Variants in MROH9 observed in about 807,000 individuals in gnomAD.
The protein encoded by MROH9 is maestro heat like repeat family member 9.
A neutral mutation model predicts 98.2 loss-of-function variants in MROH9; 92 were observed. That is an observed-to-expected ratio of 0.94 (90% CI 0.79 to 1.11). The LOEUF (loss-of-function observed/expected upper bound fraction) is 1.11. Among genes scored for constraint, MROH9 ranks in the 50% most tolerant of loss-of-function variants. The pLI is 0.00. For synonymous variants in MROH9, 397 were observed against 368.9 expected (o/e 1.08, Z -0.87); for missense variants, 1,057 against 1,014.8 (o/e 1.04, Z -0.57).
intron 1 of MROH9, among the ~76,000 whole-genome samples, chr1:170,945,133 C>T (rs937651236): frequency 6.6e-6 from 1 of 151,852 alleles, no homozygotes; most frequent in African/African-American, 2.4e-5. Flanking sequence ...CTTCTAGATG[C>T]TGAGTATTGT....
At chr1:170,952,088 A>AG (rs376352111) in intron 3 of MROH9, among the ~76,000 whole-genome samples, 8,695 of 152,054 alleles carry the variant, frequency 0.057, 353 homozygotes, top group Middle Eastern at 0.13. Flanking sequence ...CTCATTAAAA[A>AG]GTCAGGAAAC....
rs550296762 is a variant in MROH9, at chr1:170,942,495, A to C, written c.-37-3025A>C. 4.6e-5 allele frequency among the ~76,000 whole-genome samples: 7 copies of C among 152,206 alleles called. No individual in the cohort carries two copies. In the South Asian group the frequency reaches 1.5e-3, roughly 32 times the overall value. ...TTTATGTATGTCTTCAATCCTGTGA[A>C]AATTTTTAAGAAACTTTTGCTAAAG... On this transcript the variant is annotated intron_variant, in intron 1 of 21. Transcript: ENST00000367759.
chr1:170,986,758 T>C (rs1651151283), intron 10 of MROH9, 48 bp downstream of exon 10: 1 of 1,575,480 alleles, frequency 6.3e-7, no homozygotes, highest in East Asian at 2.3e-5. Flanking sequence ...TACTCTCTAA[T>C]GTGCATTTTT....
chr1:170,988,891 A>G (rs1651248563), intron 10 of MROH9, among the ~76,000 whole-genome samples: 1 of 152,162 alleles, frequency 6.6e-6, no homozygotes, highest in South Asian at 2.1e-4. Flanking sequence ...TTTGCATTTA[A>G]AATAGGAAGA....
chr1:170,963,411 A>G (rs1650103398), intron 6 of MROH9, among the ~76,000 whole-genome samples: 1 of 152,130 alleles, frequency 6.6e-6, no homozygotes, highest in Non-Finnish European at 1.5e-5. Flanking sequence ...CATTGTACAA[A>G]ACAGCATGGT....
chr1:170,987,570 T>A (rs1011161939), intron 10 of MROH9, among the ~76,000 whole-genome samples: 15 of 152,216 alleles, frequency 9.9e-5, no homozygotes, highest in Non-Finnish European at 2.9e-5. Context: ...AATTAACATT[T>A]TTTAGTCGTG....
chr1:171,055,527 G>C (rs564927803), intron 20 of MROH9, among the ~76,000 whole-genome samples: 1 of 151,608 alleles, frequency 6.6e-6, no homozygotes, highest in Admixed American at 6.6e-5. Flanking sequence ...GGAGGCTGAG[G>C]CAGTAGAATC....
intron 1 of MROH9, among the ~76,000 whole-genome samples, chr1:170,935,895 G>A (rs1167848415): frequency 1.3e-5 from 2 of 149,034 alleles, no homozygotes; most frequent in African/African-American, 2.5e-5. Context: ...AGGAGGCTGA[G>A]GCAGGAGAAT....
chr1:170,954,661 C>G (rs1316018125), intron 3 of MROH9, among the ~76,000 whole-genome samples: 2 of 151,974 alleles, frequency 1.3e-5, no homozygotes, highest in Non-Finnish European at 2.9e-5. Flanking sequence ...TTTCCATACT[C>G]TCACCAACTC....
chr1:171,054,082 A>T (rs1378641399), intron 20 of MROH9, among the ~76,000 whole-genome samples: 1 of 152,218 alleles, frequency 6.6e-6, no homozygotes, highest in Admixed American at 6.5e-5. Context: ...ATTCAGAAAA[A>T]AGTTCTCAAA....
intron 5 of MROH9, among the ~76,000 whole-genome samples, chr1:170,960,216 C>T (rs1557874523): frequency 1.3e-5 from 2 of 152,174 alleles, no homozygotes. Context: ...GTTCCTGTAT[C>T]CCTAACACAG....
intron 3 of MROH9, among the ~76,000 whole-genome samples, chr1:170,948,497 G>A (rs1033481): frequency 0.14 from 21,167 of 151,990 alleles, 2,087 homozygotes; most frequent in East Asian, 0.45. Context: ...TCAGAAAGAT[G>A]CAGTTTAGAA....
chr1:170,970,702 C>CAGTGTGTGTGTGTGTGTGTGTGTGTG (rs1650409055), intron 7 of MROH9, among the ~76,000 whole-genome samples: 1 of 118,478 alleles, frequency 8.4e-6, no homozygotes, highest in Non-Finnish European at 1.7e-5. Flanking sequence ...TTAGGAATTT[C>CAGTGTGTGTGTGTGTGTGTGTGTGTG]TGTGTGTGTG....
Position 170,971,967 on chromosome 1 carries a change from C to T in MROH9, c.616+84C>T, listed in dbSNP as rs1650478394. The T allele has an allele frequency of 7.9e-6, 11 of 1,398,522 alleles. 1 individual carries two copies. The South Asian group carries it at 9.5e-5, about 12-fold the overall frequency. 86.6% of individuals were successfully genotyped at this position (1,398,522 alleles called of 1,614,324 possible). ...ACTTATAGGTCCTGGGAAGGCTCTA[C>T]GTCTGTTAATTTCTAAATCCTGCCC... On this transcript the variant is annotated intron_variant, in intron 8 of 21. Coordinates refer to ENST00000367759, the MANE Select transcript of MROH9 (RefSeq NM_001163629.2).
chr1:170,962,954 CAA>C (rs1650075055), intron 6 of MROH9, among the ~76,000 whole-genome samples: 1 of 151,788 alleles, frequency 6.6e-6, no homozygotes, highest in Non-Finnish European at 1.5e-5. Context: ...AAAGCAGTTG[CAA>C]ATGGGACCAA....
Position 170,992,185 on chromosome 1 carries a change from G to A in MROH9, c.1050G>A (p.Lys350=). 1.2e-6 allele frequency: 2 copies of A among 1,611,798 alleles called. No homozygotes were observed. Among genetic ancestry groups the A allele is most frequent in the South Asian group, 1.1e-5 (1 of 90,780 alleles). The change falls in exon 12 of 22, where the codon AAG becomes AAA. Residue 350 remains lysine (K), a synonymous_variant. Transcript: ENST00000367759. ...GCAGCACTCTGATACAGATGTGGAA[G>A]GCGGCATGTTCTCAGGCGAGCGTGG... ...PADDTLIQMW[K]AACSQASVAP... is the part of the protein sequence containing the mutation.
At chr1:170,974,379 A>G (rs1400237614) in intron 8 of MROH9, among the ~76,000 whole-genome samples, 1 of 152,244 alleles carries the variant, frequency 6.6e-6, no homozygotes, top group African/African-American at 2.4e-5. Context: ...AATTGCTTAC[A>G]ACAAGTGATA....
intron 7 of MROH9, among the ~76,000 whole-genome samples, chr1:170,970,702 CTG>C (rs3980698): frequency 0.028 from 3,306 of 118,236 alleles, 64 homozygotes; most frequent in African/African-American, 0.052. Flanking sequence ...TTAGGAATTT[CTG>C]TGTGTGTGTG....
At chr1:170,958,624 G>T in intron 4 of MROH9, 84 bp downstream of exon 4, 2 of 949,160 alleles carry the variant, frequency 2.1e-6, no homozygotes, top group South Asian at 1.8e-5. Context: ...AATTGTGAAA[G>T]ATAAGAAATT....
Sources: gnomAD v4.1 joint callset for allele counts (sites outside exome capture counted in the v4.1 genomes callset) on GRCh38, gnomAD v4.1.1 for gene constraint, MANE v1.5 for transcripts, NCBI Gene and HGNC (gene_info 2026-07-23, HGNC 2026-07-21) for gene names.